The following DNA2 variants were observed in gnomAD, a reference collection of about 807,000 sequenced individuals.
DNA2 encodes the protein DNA replication helicase/nuclease 2.
DNA2 carries 101 observed loss-of-function variants against 119.1 expected under a neutral mutation model. That is an observed-to-expected ratio of 0.85 (90% confidence interval 0.72 to 1.00). DNA2 has a LOEUF of 1.00. Among genes scored for constraint, DNA2 ranks in the 50% least tolerant of loss-of-function variants. The pLI, the probability that DNA2 is intolerant of heterozygous loss-of-function variation, is 0.00. For missense variants in DNA2, 1,121 were observed against 1,255.5 expected (o/e 0.89, Z 1.62); for synonymous variants, 366 against 424.4 (o/e 0.86, Z 1.69).
chr10:68,460,236 A>C (rs2133434128), intron 4 of DNA2, among the ~76,000 whole-genome samples: 1 of 151,904 alleles, frequency 6.6e-6, no homozygotes, highest in East Asian at 1.9e-4. Flanking sequence ...CCTTCAGAGT[A>C]GCTGGAATTA....
At chr10:68,420,346 G>A (rs971656913) in intron 17 of DNA2, among the ~76,000 whole-genome samples, 2 of 152,206 alleles carry the variant, frequency 1.3e-5, no homozygotes, top group African/African-American at 2.4e-5. Flanking sequence ...AGACCAGCCT[G>A]GCCAACACAG....
chr10:68,419,711 C>T (rs1564875999), intron 18 of DNA2, 92 bp downstream of exon 18: 13 of 938,004 alleles, frequency 1.4e-5, no homozygotes, highest in Admixed American at 4.2e-5. Context: ...TCTTAATAAA[C>T]GAGACTTAAT....
rs545085203 is a variant in DNA2 at position 68,465,637 on chromosome 10, A to G, written c.587+30T>C. 12 of 1,482,970 alleles carry G rather than the reference A, an allele frequency of 8.1e-6. No individual in the cohort carries two copies. The South Asian group carries it at 1.6e-4, about 19-fold the overall frequency. The allele number at this position is 1,482,970 out of a possible 1,614,324, so 91.9% of individuals were successfully genotyped here. The stretch of plus-strand genomic sequence containing the variant: ...AGGACAGAAGTTATATAATAAAATT[A>G]TACCTGCAGTTCTTCTTATAACTAC... On this transcript the variant is annotated intron_variant, in intron 4 of 20. Coordinates refer to ENST00000358410, the MANE Select transcript of DNA2 (RefSeq NM_001080449.3).
Position 68,446,413 on chromosome 10 carries a change from C to A in DNA2, c.940G>T (p.Val314Phe), listed in dbSNP as rs1195955606. 3.9e-6 allele frequency: 6 copies of A among 1,557,382 alleles called. No individual in the cohort carries two copies. In the East Asian group the frequency reaches 1.1e-4, roughly 30 times the overall value. ...TGGCTTAGTAGAGTGTACAGAACAA[C>A]CTGTGCAAACATTGACATTTGCTCA... ...ESNSIEHRSQ[V>F]VLYTLLSQER... is the part of the protein sequence containing the mutation. The change falls in exon 7 of 21, where the codon GTT becomes TTT. Residue 314 changes from valine (V) to phenylalanine (F), a missense_variant and splice_region_variant. Physicochemically the swap from Val to Phe is conservative, Grantham distance 50. Transcript: ENST00000358410.
intron 12 of DNA2, 89 bp downstream of exon 12, chr10:68,432,117 T>C: frequency 8.8e-7 from 1 of 1,134,570 alleles, no homozygotes; most frequent in Non-Finnish European, 1.3e-6. Context: ...ACATTGTAGT[T>C]GCAAGTCTAA....
In DNA2 at chr10:68,442,955, C is replaced by A. The variant is rs1391319787; in HGVS notation, c.1377G>T (p.Lys459Asn). The A allele has an allele frequency of 1.2e-6, 2 of 1,612,626 alleles. No homozygotes were observed. The stretch of plus-strand genomic sequence containing the variant: ...GCATTAGCCAGATATTTTGGTGATT[C>A]TTTTTATTATCCTTCGATTGTGACT... ...TLESQSKDNK[K>N]NHQNIWLMPA... The change falls in exon 9 of 21, where the codon AAG (lysine) becomes AAT (asparagine). Residue 459 changes from lysine to asparagine, a missense_variant. By Grantham distance (94) the Lys-to-Asn change is moderately conservative. Coordinates refer to ENST00000358410, the MANE Select transcript of DNA2 (RefSeq NM_001080449.3).
chr10:68,432,545 C>A, intron 10 of DNA2, 35 bp from the exon 11 acceptor site: 2 of 1,154,334 alleles, frequency 1.7e-6, no homozygotes. Context: ...TGAATGCTCG[C>A]CATTTCGCAT....
intron 18 of DNA2, 91 bp downstream of exon 18, chr10:68,419,712 G>T: frequency 1.1e-6 from 1 of 942,100 alleles, no homozygotes. Context: ...CTTAATAAAC[G>T]AGACTTAATG....
chr10:68,418,244 T>C (rs544087753), intron 19 of DNA2, among the ~76,000 whole-genome samples: 1 of 151,878 alleles, frequency 6.6e-6, no homozygotes, highest in African/African-American at 2.4e-5. Flanking sequence ...TGAAACCCCA[T>C]CTCTAGAAAA....
intron 14 of DNA2, among the ~76,000 whole-genome samples, chr10:68,428,787 G>A (rs931399028): frequency 2.0e-5 from 3 of 152,204 alleles, no homozygotes; most frequent in Admixed American, 6.5e-5. Context: ...CAGAGTCTCA[G>A]AGTCATGGCT....
chr10:68,471,987 G>A (rs201678429), upstream of DNA2: 2 of 1,611,402 alleles, frequency 1.2e-6, no homozygotes, highest in Non-Finnish European at 8.5e-7. Context: ...CCAACCCGCA[G>A]ATGTCCCAAA....
chr10:68,418,959 CA>C (rs2051629561), intron 19 of DNA2, 74 bp downstream of exon 19: 1 of 1,403,612 alleles, frequency 7.1e-7, no homozygotes, highest in East Asian at 2.5e-5. Flanking sequence ...AGGTGTGAGC[CA>C]CCGCGCCCGG....
Position 68,450,163 on chromosome 10 carries a change from A to G in DNA2, c.804T>C (p.Pro268=), listed in dbSNP as rs1436186694. The change falls in exon 6 of 21, where the codon CCT becomes CCC. Residue 268 remains proline, a synonymous_variant. Transcript: ENST00000358410. ...CTATTTTGCCTTTCAATCCAAACCT[A>G]GGGGACCAAATGCTTTCTTCAATAT... The part of the protein sequence containing the change: ...PMDIEESIWS[P]RFGLKGKIDV... The G allele has an allele frequency of 3.1e-6, 5 of 1,607,528 alleles. No individual in the cohort carries two copies. Among genetic ancestry groups the G allele is most frequent in the Admixed American group, 1.7e-5 (1 of 58,968 alleles).
At position 68,419,026 on chromosome 10, in the gene DNA2, T is replaced by G; in HGVS notation, c.2967+8A>C. 6.3e-7 allele frequency: 1 copy of G among 1,579,378 alleles called. No homozygotes were observed. Among genetic ancestry groups the G allele is most frequent in the Non-Finnish European group, 8.6e-7 (1 of 1,166,510 alleles). ...CAAATGAATCAGTAGCAAACACAAT[T>G]AACTCACAGTTCCATCCTTATTACT... On this transcript the variant is annotated splice_region_variant and intron_variant, in intron 19 of 20. Coordinates refer to ENST00000358410, the MANE Select transcript of DNA2 (RefSeq NM_001080449.3).
At chr10:68,451,302 C>CA (rs947345646) in intron 5 of DNA2, among the ~76,000 whole-genome samples, 3 of 151,704 alleles carry the variant, frequency 2.0e-5, no homozygotes, top group African/African-American at 4.8e-5. Context: ...AGTAAGTACT[C>CA]AATTTTTTTT....
rs775496039 is a variant in DNA2 at position 68,416,797 on chromosome 10, T to C, written c.3026A>G (p.His1009Arg). 1.9e-6 allele frequency: 3 copies of C among 1,613,824 alleles called. No individual in the cohort carries two copies. The highest frequency in any genetic ancestry group is 1.7e-6 in the Non-Finnish European group (2 of 1,179,816). ...RLNVAITRAK[H>R]KLILLGCVPS... The stretch of plus-strand genomic sequence containing the variant: ...CACACACCCCAGAAGAATCAGTTTA[T>C]GTTTGGCTCTGGTTATAGCAACATT... Residue 1009 changes from histidine (H) to arginine (R), a missense_variant, in exon 20 of 21, where the codon CAT (histidine) becomes CGT (arginine). Coordinates refer to ENST00000358410, the MANE Select transcript of DNA2 (RefSeq NM_001080449.3).
At chr10:68,418,861 C>G (rs997757119) in intron 19 of DNA2, among the ~76,000 whole-genome samples, 173 bp downstream of exon 19, 1 of 151,582 alleles carries the variant, frequency 6.6e-6, no homozygotes, top group Non-Finnish European at 1.5e-5. Flanking sequence ...TTAGTAGAGA[C>G]AGGGTTTCGC....
chr10:68,450,983 C>A (rs907244088), intron 5 of DNA2, among the ~76,000 whole-genome samples: 7 of 151,884 alleles, frequency 4.6e-5, no homozygotes, highest in African/African-American at 1.7e-4. Flanking sequence ...TGCCTGTAAT[C>A]CCAGCTACCC....
chr10:68,447,442 G>A (rs542202513), intron 6 of DNA2, among the ~76,000 whole-genome samples: 56 of 150,790 alleles, frequency 3.7e-4, no homozygotes, highest in Non-Finnish European at 1.5e-4. Flanking sequence ...GCTTGAACCC[G>A]GGAGGTGGAG....
Sources: gnomAD v4.1 joint callset for allele counts (sites outside exome capture counted in the v4.1 genomes callset) on GRCh38, gnomAD v4.1.1 for gene constraint, MANE v1.5 for transcripts, NCBI Gene and HGNC (gene_info 2026-07-23, HGNC 2026-07-21) for gene names.